Variants in ANK2 observed in about 807,000 individuals in gnomAD.
ANK2 encodes the protein ankyrin 2.
ANK2 carries 83 observed loss-of-function variants against 360.5 expected under a neutral mutation model. The observed-to-expected ratio is 0.23, with a 90% confidence interval of 0.19 to 0.28. ANK2 has a LOEUF of 0.28. Ranked by LOEUF, ANK2 falls within the 10% of genes least tolerant of loss-of-function variation. The pLI, the probability that ANK2 is intolerant of heterozygous loss-of-function variation, is 1.00. For missense variants in ANK2, 4,201 were observed against 4,795.7 expected (o/e 0.88, Z 3.66); for synonymous variants, 1,740 against 1,759.5 (o/e 0.99, Z 0.28).
chr4:112,829,196 A>G (rs1336769891), intron 1 of ANK2, among the ~76,000 whole-genome samples: 1 of 152,058 alleles, frequency 6.6e-6, no homozygotes, highest in African/African-American at 2.4e-5. Flanking sequence ...AATGAATAAA[A>G]TGCAGTTTAA....
intron 2 of ANK2, among the ~76,000 whole-genome samples, chr4:112,944,381 G>C (rs193155051): frequency 5.9e-5 from 9 of 152,236 alleles, no homozygotes; most frequent in African/African-American, 2.2e-4. Context: ...TTTAACTTGG[G>C]TAAATTAAAC....
intron 23 of ANK2, among the ~76,000 whole-genome samples, chr4:113,310,774 C>G (rs2079538247): frequency 6.6e-6 from 1 of 152,188 alleles, no homozygotes. Flanking sequence ...TAATATGCAG[C>G]TTGCACTGTG....
At chr4:112,741,518 T>A in the ANK2 span, among the ~76,000 whole-genome samples, 1 of 152,248 alleles carries the variant, frequency 6.6e-6, no homozygotes, top group African/African-American at 2.4e-5. Context: ...GCAGTCCGTC[T>A]GTCATCATCA....
chr4:112,859,335 A>G (rs1047374494), intron 1 of ANK2, among the ~76,000 whole-genome samples: 3 of 152,234 alleles, frequency 2.0e-5, no homozygotes, highest in Non-Finnish European at 4.4e-5. Flanking sequence ...ATTGTATTTT[A>G]CATAAGATAA....
At chr4:113,117,361 G>A (rs775714697) in intron 1 of ANK2, 1 of 456,172 alleles carries the variant, frequency 2.2e-6, no homozygotes, top group South Asian at 1.5e-5. Context: ...AAAATCTTGA[G>A]AGAGACAGAA....
At chr4:113,366,207 C>G (rs1030904805) in intron 41 of ANK2, among the ~76,000 whole-genome samples, 1 of 152,174 alleles carries the variant, frequency 6.6e-6, no homozygotes, top group African/African-American at 2.4e-5. Flanking sequence ...CCCATTCCCT[C>G]TAGAGCTCTA....
chr4:113,092,753 A>C (rs779488045), intron 1 of ANK2, among the ~76,000 whole-genome samples: 1 of 152,212 alleles, frequency 6.6e-6, no homozygotes, highest in Non-Finnish European at 1.5e-5. Context: ...TAATGAGTGT[A>C]AAATATATAG....
upstream of ANK2, among the ~76,000 whole-genome samples, chr4:113,046,087 C>T (rs906982137): frequency 4.6e-5 from 7 of 152,226 alleles, no homozygotes; most frequent in East Asian, 1.9e-4. Flanking sequence ...GAAGAATACT[C>T]AGCAGACAGG....
At chr4:113,254,739 G>A (rs1348184071) in intron 10 of ANK2, among the ~76,000 whole-genome samples, 1 of 152,064 alleles carries the variant, frequency 6.6e-6, no homozygotes, top group Non-Finnish European at 1.5e-5. Context: ...CACCTTCCTT[G>A]TTGAGAATAT....
Position 113,333,221 on chromosome 4 carries a change from G to A in ANK2, c.3379+13G>A, listed in dbSNP as rs2153943779. ...GGCATGGATGAAGGTACTTTCAGAT[G>A]AAGCGTTTTAAAAGAAATCTAAACT... On this transcript the variant is annotated intron_variant, in intron 29 of 45. Transcript: ENST00000357077. 1 of 1,613,976 alleles carries A rather than the reference G, an allele frequency of 6.2e-7. No individual in the cohort carries two copies. The highest frequency in any genetic ancestry group is 8.5e-7 in the Non-Finnish European group (1 of 1,179,962).
intron 2 of ANK2, among the ~76,000 whole-genome samples, chr4:112,908,178 T>C (rs868484761): frequency 2.1e-4 from 32 of 152,322 alleles, no homozygotes; most frequent in Middle Eastern, 3.4e-3. Flanking sequence ...AACTGGAGTA[T>C]GAAGAACTTG....
At chr4:112,709,964 T>G in the ANK2 span, among the ~76,000 whole-genome samples, 1 of 152,204 alleles carries the variant, frequency 6.6e-6, no homozygotes, top group African/African-American at 2.4e-5. Flanking sequence ...ATATCATTTA[T>G]GGCACCAAAC....
intron 1 of ANK2, among the ~76,000 whole-genome samples, chr4:113,075,455 T>C (rs2079528004): frequency 6.6e-6 from 1 of 152,172 alleles, no homozygotes; most frequent in African/African-American, 2.4e-5. Flanking sequence ...TTTTCTGTGC[T>C]TTTCAAAAAG....
At chr4:113,328,694 C>A (rs2091327157) in intron 26 of ANK2, among the ~76,000 whole-genome samples, 1 of 152,150 alleles carries the variant, frequency 6.6e-6, no homozygotes, top group South Asian at 2.1e-4. Context: ...CTGGCCCCTG[C>A]ATGTGGGAAG....
the ANK2 span, among the ~76,000 whole-genome samples, chr4:112,791,657 T>A: frequency 3.3e-3 from 83 of 25,344 alleles, no homozygotes; most frequent in African/African-American, 0.041. Flanking sequence ...CCCAGTTAAT[T>A]TTTTTTTGTA....
chr4:112,829,021 G>A (rs2059086683), intron 1 of ANK2, among the ~76,000 whole-genome samples: 1 of 152,096 alleles, frequency 6.6e-6, no homozygotes, highest in Non-Finnish European at 1.5e-5. Context: ...GCCGGGCGTG[G>A]TGGCGCCTGT....
chr4:113,054,746 G>C (rs2068766672), intron 1 of ANK2, among the ~76,000 whole-genome samples: 1 of 152,028 alleles, frequency 6.6e-6, no homozygotes, highest in South Asian at 2.1e-4. Context: ...ATCACTGAAG[G>C]TATTTAAAAT....
rs2093054539 is a variant in ANK2, at chr4:113,102,682, G to A, written c.84+52870G>A. Among the ~76,000 whole-genome samples the A allele has an allele frequency of 3.9e-5, 6 of 152,256 alleles. 1 individual carries two copies. In the South Asian group the frequency reaches 1.2e-3, roughly 32 times the overall value. ...AAGGAAGAATGTCCAACTGTGAAGT[G>A]CTGTTAAAAAATCAGATAATCTGAG... On this transcript the variant is annotated intron_variant, in intron 1 of 45. Coordinates refer to ENST00000357077, the MANE Select transcript of ANK2 (RefSeq NM_001148.6).
rs1285293361 is a variant in ANK2, at chr4:113,373,188, A to G, written c.11694+15A>G. 1 of 1,613,018 alleles carries G rather than the reference A, an allele frequency of 6.2e-7. No homozygotes were observed. Among genetic ancestry groups the G allele is most frequent in the East Asian group, 2.2e-5 (1 of 44,866 alleles). On this transcript the variant is annotated intron_variant, in intron 44 of 45. Transcript: ENST00000357077. Reference sequence around the variant, plus strand: ...TGGTAAAGAAGGTATTGTCTAGTATATCCTAACAGGGTTGATTACAAACTT... The same window carrying G: ...TGGTAAAGAAGGTATTGTCTAGTATGTCCTAACAGGGTTGATTACAAACTT...
Sources: gnomAD v4.1 joint callset for allele counts (sites outside exome capture counted in the v4.1 genomes callset) on GRCh38, gnomAD v4.1.1 for gene constraint, MANE v1.5 for transcripts, NCBI Gene and HGNC (gene_info 2026-07-23, HGNC 2026-07-21) for gene names.